Variants in ABCA13 observed in about 807,000 individuals in gnomAD.
The protein encoded by ABCA13 is ATP-binding cassette sub-family A member 13.
A neutral mutation model predicts 478.7 loss-of-function variants in ABCA13; 476 were observed. The observed-to-expected ratio is 0.99, with a 90% CI of 0.92 to 1.07. The LOEUF (loss-of-function observed/expected upper bound fraction) is 1.07, where lower values mean the gene tolerates loss of function less well. Ranked by LOEUF, ABCA13 falls within the 50% of genes least tolerant of loss-of-function variation. The pLI is 0.00. For synonymous variants in ABCA13, 2,252 were observed against 2,158.9 expected, an observed-to-expected ratio of 1.04 and a Z score of -1.20; for missense variants, 6,060 against 5,910.6, an observed-to-expected ratio of 1.03 and a Z score of -0.83.
In ABCA13 at chr7:48,273,074, T is replaced by G; in HGVS notation, c.3408T>G (p.Ser1136Arg). The change falls in exon 17 of 62, where the codon AGT becomes AGG. Residue 1136 changes from serine (S) to arginine (R), a missense_variant. This residue lies in a region of ABCA13 where 4,423 missense variants were observed against 4,309.1 expected (regional missense o/e 1.03). Transcript: ENST00000435803. ...TTTCAAACCTCTCAGCAAATGTCAG[T>G]GTGTTCAACAAGTTTATGTCCATTC... ...QIFSNLSANV[S>R]VFNKFMSIHC... 1 of 1,613,696 alleles carries G rather than the reference T, an allele frequency of 6.2e-7. No individual in the cohort carries two copies. The highest frequency in any genetic ancestry group is 8.5e-7 in the Non-Finnish European group (1 of 1,179,748).
chr7:48,561,918 A>G (rs112949497), intron 55 of ABCA13, among the ~76,000 whole-genome samples: 6 of 152,174 alleles, frequency 3.9e-5, no homozygotes, highest in African/African-American at 1.4e-4. Context: ...ATCGCATAAG[A>G]TAAGTGTCCA....
chr7:48,525,044 G>A (rs1315437821), intron 54 of ABCA13, among the ~76,000 whole-genome samples: 1 of 152,068 alleles, frequency 6.6e-6, no homozygotes. Flanking sequence ...GCATTCATAC[G>A]GTTCCCAGCT....
intron 60 of ABCA13, among the ~76,000 whole-genome samples, chr7:48,644,181 A>G (rs1795288653): frequency 6.6e-6 from 1 of 152,200 alleles, no homozygotes. Flanking sequence ...CTCCATTGGC[A>G]TACATGAAGA....
Position 48,313,009 on chromosome 7 carries a change from A to G in ABCA13, c.9517-58A>G, listed in dbSNP as rs558104302. On this transcript the variant is annotated intron_variant, in intron 24 of 61. Coordinates refer to ENST00000435803, the MANE Select transcript of ABCA13 (RefSeq NM_152701.5). ...TTTCACAGCTCAAAAGATGCTTCTG[A>G]GTGTAAAAATACAGTGTTGGTTATT... The G allele has an allele frequency of 4.1e-6, 6 of 1,451,112 alleles. No homozygotes were observed. In the South Asian group the frequency reaches 9.5e-5, roughly 23 times the overall value. The allele number at this position is 1,451,112 out of a possible 1,614,324, so 89.9% of individuals were successfully genotyped here. A position where few individuals can be genotyped will look rare whatever the true frequency, so the allele number is the denominator to read the frequency against.
intron 31 of ABCA13, among the ~76,000 whole-genome samples, chr7:48,356,269 C>T (rs772473937): frequency 4.0e-5 from 6 of 151,836 alleles, no homozygotes; most frequent in East Asian, 1.9e-4. Context: ...GTGAGAATGA[C>T]GGCCAAATTA....
intron 58 of ABCA13, among the ~76,000 whole-genome samples, chr7:48,613,304 T>TC (rs1792214040): frequency 6.6e-6 from 1 of 152,054 alleles, no homozygotes; most frequent in Non-Finnish European, 1.5e-5. Context: ...TTCTCCTGCC[T>TC]CAGCCTCTTG....
chr7:48,504,436 G>A (rs576089759), intron 48 of ABCA13, among the ~76,000 whole-genome samples: 1 of 152,106 alleles, frequency 6.6e-6, no homozygotes, highest in African/African-American at 2.4e-5. Flanking sequence ...ACAGGACTCG[G>A]TAACTTCTTG....
At chr7:48,341,821 A>G in intron 29 of ABCA13, among the ~76,000 whole-genome samples, 1 of 93,154 alleles carries the variant, frequency 1.1e-5, no homozygotes, top group Admixed American at 1.2e-4. Flanking sequence ...TGATATATAT[A>G]TATATCTTTC....
chr7:48,356,731 A>G (rs1366800889), intron 31 of ABCA13, among the ~76,000 whole-genome samples: 1 of 151,978 alleles, frequency 6.6e-6, no homozygotes, highest in Non-Finnish European at 1.5e-5. Flanking sequence ...ATGGATAGGC[A>G]GCAGCAGTTT....
At chr7:48,395,161 G>A (rs1199775692) in intron 38 of ABCA13, among the ~76,000 whole-genome samples, 1 of 152,196 alleles carries the variant, frequency 6.6e-6, no homozygotes, top group Non-Finnish European at 1.5e-5. Flanking sequence ...GCTGTCCATG[G>A]GCATGAGGCC....
intron 55 of ABCA13, among the ~76,000 whole-genome samples, chr7:48,572,498 A>G (rs1372601295): frequency 6.6e-6 from 1 of 152,054 alleles, no homozygotes; most frequent in Non-Finnish European, 1.5e-5. Context: ...TTAACATTTT[A>G]CTATTTTTTC....
At chr7:48,637,219 G>A (rs1794710800) in intron 59 of ABCA13, among the ~76,000 whole-genome samples, 1 of 151,614 alleles carries the variant, frequency 6.6e-6, no homozygotes, top group Non-Finnish European at 1.5e-5. Context: ...TGGCTGAGTG[G>A]GGTGCTGGCT....
intron 55 of ABCA13, among the ~76,000 whole-genome samples, chr7:48,553,837 TG>T (rs1785537537): frequency 6.6e-6 from 1 of 152,062 alleles, no homozygotes; most frequent in Non-Finnish European, 1.5e-5. Flanking sequence ...TGTCTGTTTT[TG>T]CTTTGGATCA....
intron 15 of ABCA13, among the ~76,000 whole-genome samples, chr7:48,254,038 T>C (rs1014779633): frequency 6.6e-6 from 1 of 152,070 alleles, no homozygotes; most frequent in Non-Finnish European, 1.5e-5. Flanking sequence ...GGGTGGTTTT[T>C]CTCTGATTTA....
intron 56 of ABCA13, among the ~76,000 whole-genome samples, chr7:48,581,910 T>G (rs1218687292): frequency 6.6e-6 from 1 of 152,226 alleles, no homozygotes; most frequent in Non-Finnish European, 1.5e-5. Flanking sequence ...AATATTTAAG[T>G]TATAGAACAG....
chr7:48,181,217 A>G (rs1292629856), intron 1 of ABCA13, among the ~76,000 whole-genome samples: 2 of 152,176 alleles, frequency 1.3e-5, no homozygotes, highest in Non-Finnish European at 2.9e-5. Context: ...GAGTTAGTGT[A>G]AGAATGAATT....
chr7:48,546,160 C>A (rs779543159), intron 55 of ABCA13, among the ~76,000 whole-genome samples: 15 of 151,930 alleles, frequency 9.9e-5, no homozygotes, highest in Admixed American at 3.3e-4. Flanking sequence ...ACAATAATAG[C>A]CACTAGCCAC....
In ABCA13 at chr7:48,245,859, T is replaced by A. The variant is rs763313649; in HGVS notation, c.1492-4T>A. The A allele has an allele frequency of 6.2e-7, 1 of 1,609,926 alleles. No homozygotes were observed. Among genetic ancestry groups the A allele is most frequent in the African/African-American group, 1.3e-5 (1 of 74,760 alleles). On this transcript the variant is annotated splice_polypyrimidine_tract_variant and splice_region_variant and intron_variant, in intron 12 of 61. Coordinates refer to ENST00000435803, the MANE Select transcript of ABCA13 (RefSeq NM_152701.5). ...ACTCCTTCCCACTCTTATTAATCTT[T>A]TAGATGTTGGCGAAGAATGCTGTCT...
At chr7:48,245,235 C>A (rs1167796224) in intron 11 of ABCA13, among the ~76,000 whole-genome samples, 1 of 152,152 alleles carries the variant, frequency 6.6e-6, no homozygotes, top group Non-Finnish European at 1.5e-5. Context: ...CCCAGATGGG[C>A]TGCAGCCTTT....
Sources: gnomAD v4.1 joint callset for allele counts (sites outside exome capture counted in the v4.1 genomes callset) on GRCh38, gnomAD v4.1.1 for gene constraint, gnomAD v4.1.1 regional missense constraint, MANE v1.5 for transcripts, NCBI Gene and HGNC (gene_info 2026-07-23, HGNC 2026-07-21) for gene names.